EHBP1: variants seen among roughly 807,000 people sequenced by gnomAD.
The protein encoded by EHBP1 is EH domain-binding protein 1.
Under a neutral mutation model 144.0 loss-of-function variants are expected in EHBP1, and 55 were observed. The ratio of observed to expected loss-of-function variants is 0.38; its 90% confidence interval spans 0.31 to 0.48. The LOEUF is 0.48. EHBP1 is among the 20% of genes least tolerant of loss of function. The probability of loss-of-function intolerance (pLI) is 0.98; values close to 1 mark genes in which losing one functional copy is unlikely to be tolerated. For missense variants in EHBP1, 1,200 were observed against 1,364.2 expected (o/e 0.88, Z 1.90); for synonymous variants, 469 against 472.7 (o/e 0.99, Z 0.10).
At chr2:62,889,959 ATTTTTTT>A (rs1161025322) in intron 10 of EHBP1, among the ~76,000 whole-genome samples, 2 of 129,442 alleles carry the variant, frequency 1.5e-5, no homozygotes, top group East Asian at 4.4e-4. Context: ...TTCCATATGA[ATTTTTTT>A]TTTTTTTTTT....
At chr2:62,799,144 G>T (rs1169585551) in intron 5 of EHBP1, among the ~76,000 whole-genome samples, 1 of 152,036 alleles carries the variant, frequency 6.6e-6, no homozygotes, top group Non-Finnish European at 1.5e-5. Flanking sequence ...AGAGTTGGTA[G>T]TTTATACAAC....
chr2:62,882,234 C>G (rs1348856517), intron 10 of EHBP1, among the ~76,000 whole-genome samples: 1 of 152,164 alleles, frequency 6.6e-6, no homozygotes, highest in Non-Finnish European at 1.5e-5. Flanking sequence ...AGTCAATCTC[C>G]AAGTGTTTGT....
intron 5 of EHBP1, among the ~76,000 whole-genome samples, chr2:62,782,501 T>G (rs1035225456): frequency 2.0e-5 from 3 of 152,152 alleles, no homozygotes; most frequent in Non-Finnish European, 2.9e-5. Context: ...ACTGGGTAAT[T>G]TATAATATAA....
chr2:63,004,223 T>G lies in EHBP1; in HGVS notation c.3103+7457T>G, dbSNP rs370045517. 1.7e-4 allele frequency among the ~76,000 whole-genome samples: 26 copies of G among 152,174 alleles called. No individual in the cohort carries two copies. The East Asian group carries it at 4.8e-3, about 28-fold the overall frequency. On this transcript the variant is annotated intron_variant, in intron 19 of 22. Transcript: ENST00000431489. ...TTATTAAATGGTGGATACATGGATT[T>G]TCTTTGGTAACAGTTCAGTTCACAA...
Position 62,826,073 on chromosome 2 carries a change from C to CTT in EHBP1, c.313-12_313-11dup. On this transcript the variant is annotated splice_polypyrimidine_tract_variant and intron_variant, in intron 5 of 22. Coordinates refer to ENST00000431489, the MANE Select transcript of EHBP1 (RefSeq NM_001142616.3). ...ACTCAAAATTACATACTTTTTTTTTCTTTAATCTTCCAGGAATCCCCTTCT... is the reference window on the plus strand; with the variant it reads ...ACTCAAAATTACATACTTTTTTTTTCTTTTTAATCTTCCAGGAATCCCCTTCT... 7.0e-7 allele frequency: 1 copy of CTT among 1,420,774 alleles called. No individual in the cohort carries two copies. Among genetic ancestry groups the CTT allele is most frequent in the Non-Finnish European group, 9.3e-7 (1 of 1,080,890 alleles). 88.0% of individuals were successfully genotyped at this position (1,420,774 alleles called of 1,614,324 possible).
chr2:63,019,910 T>C (rs1264744528), intron 19 of EHBP1, among the ~76,000 whole-genome samples: 2 of 144,380 alleles, frequency 1.4e-5, no homozygotes, highest in African/African-American at 2.6e-5. Context: ...AATGCTGGGC[T>C]GGGTGCGGTG....
At chr2:63,022,091 C>T (rs954762977) in intron 19 of EHBP1, among the ~76,000 whole-genome samples, 8 of 151,988 alleles carry the variant, frequency 5.3e-5, no homozygotes, top group Admixed American at 1.3e-4. Flanking sequence ...CTTAAAAATA[C>T]GGATGCTAAT....
chr2:62,841,443 A>G (rs2047854957), intron 7 of EHBP1, among the ~76,000 whole-genome samples: 1 of 151,942 alleles, frequency 6.6e-6, no homozygotes, highest in South Asian at 2.1e-4. Context: ...ATACATATGT[A>G]ACTAACCTGC....
intron 19 of EHBP1, among the ~76,000 whole-genome samples, chr2:63,029,518 C>T (rs914709751): frequency 6.0e-5 from 9 of 151,078 alleles, no homozygotes; most frequent in African/African-American, 2.2e-4. Context: ...GGGCTATATA[C>T]ACCATCATCA....
At chr2:62,876,483 C>G (rs1220672102) in intron 10 of EHBP1, among the ~76,000 whole-genome samples, 1 of 152,150 alleles carries the variant, frequency 6.6e-6, no homozygotes, top group Admixed American at 6.5e-5. Flanking sequence ...TAAGGGAGTG[C>G]TAAACATAGA....
chr2:62,682,812 A>G (rs1208402829), intron 1 of EHBP1, among the ~76,000 whole-genome samples: 1 of 152,238 alleles, frequency 6.6e-6, no homozygotes, highest in Admixed American at 6.5e-5. Flanking sequence ...TAAATTCTCC[A>G]AGTCAAAGAA....
In EHBP1 at chr2:62,874,437, A is replaced by G; in HGVS notation, c.1090A>G (p.Arg364Gly). 1 of 1,613,820 alleles carries G rather than the reference A, an allele frequency of 6.2e-7. No homozygotes were observed. The highest frequency in any genetic ancestry group is 1.1e-5 in the South Asian group (1 of 91,020). The change falls in exon 10 of 23, where the codon AGA (arginine) becomes GGA (glycine). Residue 364 changes from arginine to glycine, a missense_variant. Transcript: ENST00000431489. ...ACTAGAAACTGAAAGGCGAGTGAAAAGAAAGGCCCCGGCTCCACCAGTCCT... is the reference window on the plus strand; with the variant it reads ...ACTAGAAACTGAAAGGCGAGTGAAAGGAAAGGCCCCGGCTCCACCAGTCCT... ...QELETERRVK[R>G]KAPAPPVLSP...
At chr2:63,036,227 A>G (rs976900785) in intron 19 of EHBP1, among the ~76,000 whole-genome samples, 5 of 152,054 alleles carry the variant, frequency 3.3e-5, no homozygotes, top group African/African-American at 7.2e-5. Context: ...TGCAAGCACT[A>G]TAAAGAATGA....
intron 10 of EHBP1, among the ~76,000 whole-genome samples, chr2:62,933,573 T>C (rs2056165236): frequency 6.6e-6 from 1 of 152,190 alleles, no homozygotes; most frequent in South Asian, 2.1e-4. Flanking sequence ...ATTCCCGTAC[T>C]CATGTAGATC....
intron 10 of EHBP1, chr2:62,940,015 TA>T: frequency 5.9e-6 from 2 of 340,172 alleles, no homozygotes; most frequent in East Asian, 8.0e-5. Context: ...AGCTGCAGTA[TA>T]AAAATCCCTG....
chr2:62,773,877 A>G (rs1280307286), intron 5 of EHBP1, among the ~76,000 whole-genome samples: 12 of 131,084 alleles, frequency 9.2e-5, no homozygotes, highest in African/African-American at 3.1e-4. Context: ...AAAAAAAAAA[A>G]AAAAAAAAGA....
chr2:62,722,874 G>A (rs2036372434), intron 2 of EHBP1, among the ~76,000 whole-genome samples: 1 of 152,178 alleles, frequency 6.6e-6, no homozygotes, highest in Admixed American at 6.5e-5. Context: ...CAAGAGAGCT[G>A]TTGTTATGAT....
rs572560539 is a variant in EHBP1, at chr2:62,794,670, G to A, written c.312+23278G>A. Among the ~76,000 whole-genome samples, 13 of 151,918 alleles carry A rather than the reference G, an allele frequency of 8.6e-5. No individual in the cohort carries two copies. The South Asian group carries it at 2.3e-3, about 27-fold the overall frequency. On this transcript the variant is annotated intron_variant, in intron 5 of 22. Transcript: ENST00000431489. ...TTTAAAAATTAGATAAAATAATCAT[G>A]TTTGCTTATACCATATTTACTATTG...
In EHBP1 at chr2:62,705,834, G is replaced by A. The variant is rs2034497522; in HGVS notation, c.-514G>A. The A allele has an allele frequency of 6.6e-6, 1 of 150,586 alleles. No homozygotes were observed. Among genetic ancestry groups the A allele is most frequent in the Non-Finnish European group, 1.5e-5 (1 of 67,640 alleles). 9.3% of individuals were successfully genotyped at this position (150,586 alleles called of 1,614,324 possible). A position where few individuals can be genotyped will look rare whatever the true frequency, so the allele number is the denominator to read the frequency against. The stretch of plus-strand genomic sequence containing the variant: ...CTTGGTAGGGTGGGGGACGGTCGCG[G>A]GGCGATCTGTCAGGGAGGGGGTGGG... On this transcript the variant is annotated 5_prime_UTR_variant, in exon 1 of 23. Coordinates refer to ENST00000431489, the MANE Select transcript of EHBP1 (RefSeq NM_001142616.3).
Sources: allele counts gnomAD v4.1 joint callset (sites outside exome capture counted in the v4.1 genomes callset), GRCh38; gene constraint gnomAD v4.1.1; transcripts MANE v1.5; gene names NCBI Gene and HGNC (gene_info 2026-07-23, HGNC 2026-07-21).